PLVAP: variants seen among roughly 807,000 people sequenced by gnomAD.
PLVAP encodes plasmalemma vesicle associated protein.
A neutral mutation model predicts 43.1 loss-of-function variants in PLVAP; 34 were observed. The observed-to-expected ratio is 0.79, with a 90% CI of 0.60 to 1.05. PLVAP has a LOEUF of 1.05. PLVAP is among the 50% of genes least tolerant of loss of function. The pLI is 0.00. For missense variants in PLVAP, 574 were observed against 593.4 expected, an observed-to-expected ratio of 0.97 and a Z score of 0.34; for synonymous variants, 241 against 237.3, an observed-to-expected ratio of 1.02 and a Z score of -0.14.
intron 1 of PLVAP, among the ~76,000 whole-genome samples, chr19:17,371,478 TTTTTA>T (rs1431374907): frequency 4.0e-5 from 6 of 151,668 alleles, no homozygotes; most frequent in Non-Finnish European, 7.4e-5. Flanking sequence ...CGGCCAGCTA[TTTTTA>T]TTTTAATTTA....
intron 1 of PLVAP, among the ~76,000 whole-genome samples, 159 bp from the exon 2 acceptor site, chr19:17,366,354 A>C (rs897371339): frequency 6.6e-6 from 1 of 152,138 alleles, no homozygotes; most frequent in Non-Finnish European, 1.5e-5. Flanking sequence ...GTGGCAGCTC[A>C]CACCTGTCAT....
Position 17,365,888 on chromosome 19 carries a change from C to A in PLVAP, c.577G>T (p.Ala193Ser), listed in dbSNP as rs1381912196. ...ACGCATTCAACCAGCTGTTCCTCCG[C>A]CACGCGTTTGTTCAGCAGCACGCTT... Reference protein sequence around the residue: ...KESVLLNKRVAEEQLVECVKT... With the variant: ...KESVLLNKRVSEEQLVECVKT... The change falls in exon 3 of 6, where the codon GCG (alanine) becomes TCG (serine). Residue 193 changes from alanine to serine, a missense_variant. Transcript: ENST00000252590. The A allele has an allele frequency of 5.0e-6, 8 of 1,614,132 alleles. No individual in the cohort carries two copies. The highest frequency in any genetic ancestry group is 6.8e-6 in the Non-Finnish European group (8 of 1,180,040).
intron 5 of PLVAP, among the ~76,000 whole-genome samples, chr19:17,358,737 C>T (rs576782775): frequency 4.6e-4 from 70 of 152,264 alleles, no homozygotes; most frequent in Middle Eastern, 3.4e-3. Flanking sequence ...TCCCTTGCTC[C>T]GGTCATTTTT....
At chr19:17,362,973 G>C (rs1013014326) in intron 3 of PLVAP, among the ~76,000 whole-genome samples, 1 of 151,938 alleles carries the variant, frequency 6.6e-6, no homozygotes, top group Non-Finnish European at 1.5e-5. Flanking sequence ...TCAAATACAG[G>C]ATTTTAACTC....
intron 1 of PLVAP, among the ~76,000 whole-genome samples, chr19:17,371,782 C>A (rs890015103): frequency 1.3e-5 from 2 of 152,198 alleles, no homozygotes; most frequent in African/African-American, 4.8e-5. Context: ...CACGCCTGGC[C>A]AGCAAAGCTG....
chr19:17,356,765 G>C (rs998954200), intron 5 of PLVAP, among the ~76,000 whole-genome samples: 36 of 152,088 alleles, frequency 2.4e-4, no homozygotes, highest in African/African-American at 8.7e-4. Flanking sequence ...TTCGAGACCA[G>C]CCTGACCAAC....
Position 17,355,225 on chromosome 19 carries a change from A to AAATTAAT in PLVAP, c.1323-2858_1323-2857insATTAATT, listed in dbSNP as rs201326616. Among the ~76,000 whole-genome samples, 109 of 139,544 alleles carry AAATTAAT rather than the reference A, an allele frequency of 7.8e-4. 1 individual carries two copies. In the East Asian group the frequency reaches 0.011, roughly 14 times the overall value. The allele number at this position is 139,544 out of a possible 152,430, so 91.5% of individuals were successfully genotyped here. A position where few individuals can be genotyped will look rare whatever the true frequency, so the allele number is the denominator to read the frequency against. ...GGTGGCAGAGTGAGACTCCATCTCA[A>AAATTAAT]AATAATAATAATAATAATAATAATA... is the stretch of plus-strand genomic sequence containing the variant. On this transcript the variant is annotated intron_variant, in intron 5 of 5. Transcript: ENST00000252590.
At chr19:17,363,525 T>C (rs141797661) in intron 3 of PLVAP, among the ~76,000 whole-genome samples, 362 of 151,368 alleles carry the variant, frequency 2.4e-3, no homozygotes, top group African/African-American at 8.6e-3. Flanking sequence ...GTACCCAAAA[T>C]GTAGGTTTTT....
At chr19:17,352,795 G>C (rs913697209) in intron 5 of PLVAP, among the ~76,000 whole-genome samples, 1 of 152,078 alleles carries the variant, frequency 6.6e-6, no homozygotes, top group African/African-American at 2.4e-5. Context: ...GCAAGGCTTC[G>C]GTCTCCCTCT....
chr19:17,363,949 T>C (rs1233838663), intron 3 of PLVAP, among the ~76,000 whole-genome samples: 4 of 151,778 alleles, frequency 2.6e-5, no homozygotes, highest in African/African-American at 7.3e-5. Context: ...GATTTCACCA[T>C]GTTAGCCAGG....
intron 3 of PLVAP, among the ~76,000 whole-genome samples, chr19:17,361,136 G>A (rs2054044025): frequency 1.3e-5 from 2 of 151,848 alleles, no homozygotes; most frequent in Admixed American, 1.3e-4. Context: ...GGCTGGTCTC[G>A]AACTCCTGAC....
At chr19:17,372,955 A>C (rs1394419975) in intron 1 of PLVAP, among the ~76,000 whole-genome samples, 1 of 148,324 alleles carries the variant, frequency 6.7e-6, no homozygotes, top group Non-Finnish European at 1.5e-5. Flanking sequence ...AGACCCAGCT[A>C]CTCGGGAGGC....
chr19:17,377,250 C>A lies in PLVAP; in HGVS notation c.39G>T (p.Arg13=), dbSNP rs1386070771. 6.2e-7 allele frequency: 1 copy of A among 1,613,952 alleles called. No homozygotes were observed. The highest frequency in any genetic ancestry group is 8.5e-7 in the Non-Finnish European group (1 of 1,179,914). The change falls in exon 1 of 6, where the codon CGG becomes CGT. Residue 13 remains arginine, a synonymous_variant. Coordinates refer to ENST00000252590, the MANE Select transcript of PLVAP (RefSeq NM_031310.3). The part of the protein sequence containing the change: ...LAMEHGGSYA[R]AGGSSRGCWY... ...AGCAGCCCCGAGAGCTGCCCCCCGC[C>A]CGAGCGTAGGACCCTCCGTGCTCCA...
intron 5 of PLVAP, among the ~76,000 whole-genome samples, chr19:17,354,742 C>CA (rs2074499673): frequency 6.7e-6 from 1 of 150,040 alleles, no homozygotes; most frequent in South Asian, 2.1e-4. Context: ...ACTAAAAATA[C>CA]AAAAAATTAA....
rs1028750051 is a variant in PLVAP at position 17,365,653 on chromosome 19, G to T, written c.812C>A (p.Ala271Asp). The T allele has an allele frequency of 6.2e-7, 1 of 1,613,552 alleles. No homozygotes were observed. Among genetic ancestry groups the T allele is most frequent in the African/African-American group, 1.3e-5 (1 of 74,956 alleles). The change falls in exon 3 of 6, where the codon GCC becomes GAC. Residue 271 changes from alanine (A) to aspartate (D), a missense_variant. Physicochemically the swap from Ala to Asp is moderately radical, Grantham distance 126. Transcript: ENST00000252590. ...LGSELASIRR[A>D]CDHMPSLMSS... ...CATGAGGCTGGGCATGTGGTCGCAG[G>T]CTCTGCGGATGGAGGCCAATTCCGA...
chr19:17,372,576 C>G lies in PLVAP; in HGVS notation c.369+4344G>C, dbSNP rs534831605. 1.9e-4 allele frequency among the ~76,000 whole-genome samples: 28 copies of G among 149,646 alleles called. 1 individual carries two copies. The East Asian group carries it at 5.7e-3, about 31-fold the overall frequency. On this transcript the variant is annotated intron_variant, in intron 1 of 5. Transcript: ENST00000252590. ...GGTTCATGCCATTCTCCTGCCTCAGCCTCCCGAGTAGCTGGGACTACAGGC... is the reference window on the plus strand; with the variant it reads ...GGTTCATGCCATTCTCCTGCCTCAGGCTCCCGAGTAGCTGGGACTACAGGC...
intron 5 of PLVAP, among the ~76,000 whole-genome samples, chr19:17,358,285 GAA>G (rs2074514392): frequency 1.8e-5 from 2 of 110,428 alleles, no homozygotes; most frequent in African/African-American, 5.0e-5. Context: ...AAAAAAAGAA[GAA>G]GAGGTGGAAA....
intron 3 of PLVAP, among the ~76,000 whole-genome samples, chr19:17,364,648 A>C (rs1439965250): frequency 1.3e-5 from 2 of 151,992 alleles, no homozygotes; most frequent in African/African-American, 4.8e-5. Context: ...CACAGTATCC[A>C]TCCTAAATCC....
At chr19:17,364,055 T>C (rs911839759) in intron 3 of PLVAP, among the ~76,000 whole-genome samples, 3 of 151,272 alleles carry the variant, frequency 2.0e-5, no homozygotes, top group African/African-American at 7.3e-5. Context: ...CTAATTTTTG[T>C]ATTTTTTTTG....
Sources: allele counts gnomAD v4.1 joint callset (sites outside exome capture counted in the v4.1 genomes callset), GRCh38; gene constraint gnomAD v4.1.1; transcripts MANE v1.5; gene names NCBI Gene and HGNC (gene_info 2026-07-23, HGNC 2026-07-21).